NKAIN2: variants seen among roughly 807,000 people sequenced by gnomAD.
NKAIN2 encodes sodium/potassium-transporting ATPase subunit beta-1-interacting protein 2.
A neutral mutation model predicts 32.6 loss-of-function variants in NKAIN2; 14 were observed. The ratio of observed to expected loss-of-function variants is 0.43; its 90% CI spans 0.28 to 0.67. The LOEUF is 0.67. NKAIN2 is among the 30% of genes least tolerant of loss of function. The probability of loss-of-function intolerance (pLI) is 0.17; values close to 1 mark genes in which losing one functional copy is unlikely to be tolerated. For synonymous variants in NKAIN2, 80 were observed against 87.2 expected, an observed-to-expected ratio of 0.92 and a Z score of 0.46; for missense variants, 198 against 258.3, an observed-to-expected ratio of 0.77 and a Z score of 1.60.
At chr6:124,804,081 C>T (rs148781583) in intron 5 of NKAIN2, among the ~76,000 whole-genome samples, 2 of 152,276 alleles carry the variant, frequency 1.3e-5, no homozygotes, top group East Asian at 3.9e-4. Flanking sequence ...AGTAAAGGCA[C>T]AACCTGAGCA....
chr6:123,864,463 A>G (rs1291768903), intron 1 of NKAIN2, among the ~76,000 whole-genome samples: 2 of 152,202 alleles, frequency 1.3e-5, no homozygotes, highest in Non-Finnish European at 2.9e-5. Context: ...CTGAGTCCCT[A>G]TTCTTATGAA....
At chr6:123,881,184 G>A (rs1773437263) in intron 1 of NKAIN2, among the ~76,000 whole-genome samples, 2 of 152,218 alleles carry the variant, frequency 1.3e-5, no homozygotes, top group African/African-American at 2.4e-5. Flanking sequence ...ACCACACGCA[G>A]CTATTTTTTG....
chr6:123,882,529 T>C (rs1773501770), intron 1 of NKAIN2, among the ~76,000 whole-genome samples: 1 of 152,226 alleles, frequency 6.6e-6, no homozygotes, highest in Non-Finnish European at 1.5e-5. Flanking sequence ...TAATTGACTT[T>C]AATAATAGTG....
At chr6:124,210,088 C>G (rs1193672130) in intron 1 of NKAIN2, among the ~76,000 whole-genome samples, 2 of 151,636 alleles carry the variant, frequency 1.3e-5, no homozygotes, top group Non-Finnish European at 3.0e-5. Flanking sequence ...TGAGTTCTTA[C>G]ATTTAAGTCT....
At chr6:124,229,497 T>TAGACAGAC (rs1288253693) in intron 1 of NKAIN2, among the ~76,000 whole-genome samples, 1 of 127,176 alleles carries the variant, frequency 7.9e-6, no homozygotes, top group Non-Finnish European at 1.7e-5. Flanking sequence ...GATAGATAGA[T>TAGACAGAC]AGACAGATAG....
At position 124,347,248 on chromosome 6, in the gene NKAIN2, C is replaced by T. The variant is rs974258572; in HGVS notation, c.193-8019C>T. Among the ~76,000 whole-genome samples, 698 of 152,264 alleles carry T rather than the reference C, an allele frequency of 4.6e-3. 4 individuals are homozygous for T. The highest frequency in any genetic ancestry group is 0.016 in the African/African-American group (662 of 41,556). On this transcript the variant is annotated intron_variant, in intron 2 of 6. Coordinates refer to ENST00000368417, the MANE Select transcript of NKAIN2 (RefSeq NM_001040214.3). ...TCCCTTTGTGGGTAACCCGACCTTT[C>T]TCTCTGGCTGCCTTTAACATTTTTT... is the stretch of plus-strand genomic sequence containing the variant.
chr6:123,870,179 G>A (rs1253874940), intron 1 of NKAIN2, among the ~76,000 whole-genome samples: 1 of 152,072 alleles, frequency 6.6e-6, no homozygotes, highest in East Asian at 1.9e-4. Context: ...TTTACATTTA[G>A]GTGATAAGGC....
At chr6:124,150,612 A>G (rs1033806385) in intron 1 of NKAIN2, among the ~76,000 whole-genome samples, 4 of 152,150 alleles carry the variant, frequency 2.6e-5, no homozygotes, top group Non-Finnish European at 5.9e-5. Flanking sequence ...TAGGTTAATT[A>G]TGATTTTTTG....
chr6:124,545,629 T>C (rs1211838559), intron 3 of NKAIN2, among the ~76,000 whole-genome samples: 1 of 151,408 alleles, frequency 6.6e-6, no homozygotes, highest in Non-Finnish European at 1.5e-5. Context: ...AAAGAATATA[T>C]GTCTAGGAAT....
At chr6:124,279,722 T>C (rs952036225) in intron 1 of NKAIN2, among the ~76,000 whole-genome samples, 1 of 151,970 alleles carries the variant, frequency 6.6e-6, no homozygotes, top group African/African-American at 2.4e-5. Context: ...CTAAAAATGA[T>C]ATGCCATCCC....
intron 1 of NKAIN2, among the ~76,000 whole-genome samples, chr6:123,850,419 A>T (rs1362673443): frequency 6.6e-6 from 1 of 151,380 alleles, no homozygotes; most frequent in Admixed American, 6.6e-5. Flanking sequence ...GCTAAGGGCT[A>T]CTGGTGGGTC....
Position 124,485,072 on chromosome 6 carries a change from G to C in NKAIN2, c.273+129725G>C, listed in dbSNP as rs115075614. The stretch of plus-strand genomic sequence containing the variant: ...GGATTTCAGCTCTTACTCATGCCTT[G>C]AGCTGGCCATTAAAAAATAGATCTG... On this transcript the variant is annotated intron_variant, in intron 3 of 6. Coordinates refer to ENST00000368417, the MANE Select transcript of NKAIN2 (RefSeq NM_001040214.3). Among the ~76,000 whole-genome samples, 1,266 of 152,234 alleles carry C rather than the reference G, an allele frequency of 8.3e-3. 12 individuals carry two copies. Among genetic ancestry groups the C allele is most frequent in the African/African-American group, 0.029 (1,208 of 41,536 alleles).
At chr6:124,464,007 A>G (rs575490362) in intron 3 of NKAIN2, among the ~76,000 whole-genome samples, 1 of 152,114 alleles carries the variant, frequency 6.6e-6, no homozygotes, top group Non-Finnish European at 1.5e-5. Context: ...CTTTGTGACA[A>G]AGTCTTACTT....
intron 1 of NKAIN2, among the ~76,000 whole-genome samples, chr6:124,169,906 A>C (rs1035621286): frequency 5.3e-5 from 8 of 152,112 alleles, no homozygotes; most frequent in Non-Finnish European, 1.0e-4. Context: ...CTCAGCCTTA[A>C]AATGGTCAGC....
chr6:124,462,767 T>C (rs1362423651), intron 3 of NKAIN2, among the ~76,000 whole-genome samples: 2 of 152,082 alleles, frequency 1.3e-5, no homozygotes, highest in African/African-American at 2.4e-5. Flanking sequence ...AACGTTTTTA[T>C]ATGTACTTCG....
intron 3 of NKAIN2, among the ~76,000 whole-genome samples, chr6:124,521,909 T>C (rs1224344183): frequency 6.6e-6 from 1 of 152,140 alleles, no homozygotes; most frequent in Non-Finnish European, 1.5e-5. Flanking sequence ...TATATTTTCC[T>C]ATCCTTAAAA....
At position 124,186,272 on chromosome 6, in the gene NKAIN2, G is replaced by A. The variant is rs183974861; in HGVS notation, c.55-96733G>A. Among the ~76,000 whole-genome samples, 268 of 152,058 alleles carry A rather than the reference G, an allele frequency of 1.8e-3. 2 individuals are homozygous for A. The highest frequency in any genetic ancestry group is 2.0e-3 in the Admixed American group (31 of 15,268). ...AAGAAAAGAAAAAAGAAAAGAAAAG[G>A]AGAAAGAAAGAGAGAGAGAGAATAG... On this transcript the variant is annotated intron_variant, in intron 1 of 6. Transcript: ENST00000368417.
chr6:124,220,147 T>C (rs181960853), intron 1 of NKAIN2, among the ~76,000 whole-genome samples: 4 of 152,236 alleles, frequency 2.6e-5, no homozygotes, highest in Admixed American at 6.5e-5. Context: ...CCCAAGCTCT[T>C]CTCATAATAG....
At chr6:124,677,409 T>C (rs888264398) in intron 4 of NKAIN2, among the ~76,000 whole-genome samples, 1 of 152,224 alleles carries the variant, frequency 6.6e-6, no homozygotes, top group African/African-American at 2.4e-5. Context: ...CTTGTAGGTT[T>C]TTTTCATCTT....
Sources: gnomAD v4.1 joint callset for allele counts (sites outside exome capture counted in the v4.1 genomes callset) on GRCh38, gnomAD v4.1.1 for gene constraint, MANE v1.5 for transcripts, NCBI Gene and HGNC (gene_info 2026-07-23, HGNC 2026-07-21) for gene names.